Variants in LRRIQ1 observed in about 807,000 individuals in gnomAD.
LRRIQ1 encodes leucine-rich repeat- and IQ domain-containing protein 1.
Under a neutral mutation model 211.9 loss-of-function variants are expected in LRRIQ1, and 210 were observed. The ratio of observed to expected loss-of-function variants is 0.99; its 90% CI spans 0.89 to 1.11. The LOEUF (loss-of-function observed/expected upper bound fraction) is 1.11. Among genes scored for constraint, LRRIQ1 ranks in the 50% most tolerant of loss-of-function variants. LRRIQ1 has a pLI of 0.00. For synonymous variants in LRRIQ1, 699 were observed against 650.1 expected (o/e 1.08, Z -1.14); for missense variants, 2,136 against 1,939.5 (o/e 1.10, Z -1.90).
intron 15 of LRRIQ1, among the ~76,000 whole-genome samples, chr12:85,113,946 T>TGTGTGA (rs1280650917): frequency 6.8e-6 from 1 of 147,284 alleles, no homozygotes; most frequent in African/African-American, 2.5e-5. Flanking sequence ...TGTGTGTGTG[T>TGTGTGA]GAAAGGCCAC....
At chr12:85,208,100 T>C (rs1489818433) in intron 24 of LRRIQ1, among the ~76,000 whole-genome samples, 1 of 151,498 alleles carries the variant, frequency 6.6e-6, no homozygotes, top group Non-Finnish European at 1.5e-5. Flanking sequence ...TATTTTGAGG[T>C]ATATATATAC....
At chr12:85,111,435 C>G (rs1464267905) in intron 15 of LRRIQ1, among the ~76,000 whole-genome samples, 1 of 152,072 alleles carries the variant, frequency 6.6e-6, no homozygotes, top group African/African-American at 2.4e-5. Flanking sequence ...ATATTCCACT[C>G]CGTTGACTAG....
chr12:85,103,402 T>A (rs1886534093), intron 13 of LRRIQ1, among the ~76,000 whole-genome samples: 1 of 151,826 alleles, frequency 6.6e-6, no homozygotes, highest in East Asian at 1.9e-4. Context: ...ACATATTGAG[T>A]ATATTTCCAA....
intron 24 of LRRIQ1, among the ~76,000 whole-genome samples, chr12:85,183,074 A>G (rs1200191198): frequency 6.6e-6 from 1 of 152,226 alleles, no homozygotes; most frequent in Admixed American, 6.6e-5. Flanking sequence ...ACTTAAAAAT[A>G]AAATCTGTGC....
intron 24 of LRRIQ1, among the ~76,000 whole-genome samples, chr12:85,228,538 C>T (rs1057086480): frequency 6.6e-6 from 1 of 152,148 alleles, no homozygotes; most frequent in African/African-American, 2.4e-5. Flanking sequence ...CCAGATTTTA[C>T]GCTTTCCAGA....
chr12:85,189,658 T>G (rs1262498918), intron 24 of LRRIQ1, among the ~76,000 whole-genome samples: 2 of 151,266 alleles, frequency 1.3e-5, no homozygotes, highest in African/African-American at 4.8e-5. Context: ...AAAAAATTAT[T>G]TTTGGTACAA....
chr12:85,193,012 A>T (rs1892668805), intron 24 of LRRIQ1, among the ~76,000 whole-genome samples: 1 of 29,156 alleles, frequency 3.4e-5, no homozygotes, highest in African/African-American at 3.9e-4. Flanking sequence ...TAAATATATA[A>T]TTATATAATA....
intron 15 of LRRIQ1, among the ~76,000 whole-genome samples, chr12:85,106,873 G>A (rs1046352033): frequency 6.6e-6 from 1 of 152,104 alleles, no homozygotes; most frequent in African/African-American, 2.4e-5. Context: ...GACAAGTTTA[G>A]TGTGATATTA....
chr12:85,157,357 A>G (rs1055537037), intron 23 of LRRIQ1, among the ~76,000 whole-genome samples: 1 of 151,938 alleles, frequency 6.6e-6, no homozygotes, highest in Non-Finnish European at 1.5e-5. Context: ...GTGAGGAGTT[A>G]TCATTACTTA....
chr12:85,059,066 A>G (rs1881477320), intron 8 of LRRIQ1, among the ~76,000 whole-genome samples: 1 of 152,008 alleles, frequency 6.6e-6, no homozygotes, highest in African/African-American at 2.4e-5. Flanking sequence ...TAGATGGCTT[A>G]CCATGGTGTC....
Position 85,251,892 on chromosome 12 carries a change from A to G in LRRIQ1, c.121+6983A>G, listed in dbSNP as rs914100445. 2.0e-4 allele frequency among the ~76,000 whole-genome samples: 31 copies of G among 151,870 alleles called. No homozygotes were observed. The Admixed American group carries it at 2.0e-3, about 10-fold the overall frequency. The stretch of plus-strand genomic sequence containing the variant: ...GTCGACAATTTCCCAAATAAAAAGC[A>G]ACAGAAACTATCGTTTCTGATATTT... On this transcript the variant is annotated intron_variant, in intron 1 of 1. Transcript: ENST00000602731.
chr12:85,045,402 C>T (rs944320962), intron 4 of LRRIQ1, among the ~76,000 whole-genome samples: 3 of 151,740 alleles, frequency 2.0e-5, no homozygotes, highest in African/African-American at 7.2e-5. Flanking sequence ...ATGTGTTTAA[C>T]ATAATTTGAA....
At chr12:85,171,777 A>G (rs1891430573) in intron 24 of LRRIQ1, among the ~76,000 whole-genome samples, 1 of 152,204 alleles carries the variant, frequency 6.6e-6, no homozygotes, top group Non-Finnish European at 1.5e-5. Context: ...GTGTGGGTAC[A>G]GAGGCAAGCA....
At chr12:85,220,180 C>T (rs1894332017) in intron 24 of LRRIQ1, among the ~76,000 whole-genome samples, 1 of 152,010 alleles carries the variant, frequency 6.6e-6, no homozygotes, top group African/African-American at 2.4e-5. Context: ...ACTATGTCCT[C>T]CAAAAACTTT....
chr12:85,134,351 CTGT>C (rs1014659636), intron 18 of LRRIQ1, among the ~76,000 whole-genome samples: 4 of 152,024 alleles, frequency 2.6e-5, no homozygotes, highest in African/African-American at 9.7e-5. Context: ...TCTCTTGTGA[CTGT>C]TATTTTTGTC....
chr12:85,152,602 G>GA (rs879431995), intron 20 of LRRIQ1, among the ~76,000 whole-genome samples: 17 of 150,922 alleles, frequency 1.1e-4, no homozygotes, highest in Admixed American at 9.3e-4. Context: ...AGTAGCAAAA[G>GA]AAAAAAAATG....
chr12:85,171,321 G>T (rs1041656715), intron 24 of LRRIQ1, among the ~76,000 whole-genome samples: 1 of 152,138 alleles, frequency 6.6e-6, no homozygotes, highest in African/African-American at 2.4e-5. Context: ...GAAGTGTGAG[G>T]CAGTGGAGTA....
intron 1 of LRRIQ1, among the ~76,000 whole-genome samples, chr12:85,254,218 T>C (rs1896025065): frequency 6.6e-6 from 1 of 152,120 alleles, no homozygotes; most frequent in Admixed American, 6.6e-5. Flanking sequence ...ATGCTTCCTG[T>C]ACAGCCTGCA....
chr12:85,045,841 T>A (rs906573772), intron 4 of LRRIQ1, among the ~76,000 whole-genome samples, 179 bp from the exon 5 acceptor site: 1 of 152,008 alleles, frequency 6.6e-6, no homozygotes, highest in Non-Finnish European at 1.5e-5. Context: ...CATGGGAAAA[T>A]TTTTTATTCA....
Sources: allele counts gnomAD v4.1 joint callset (sites outside exome capture counted in the v4.1 genomes callset), GRCh38; gene constraint gnomAD v4.1.1; transcripts MANE v1.5; gene names NCBI Gene and HGNC (gene_info 2026-07-23, HGNC 2026-07-21).